KIF1B: variants seen among roughly 807,000 people sequenced by gnomAD.
KIF1B encodes the protein kinesin-like protein KIF1B.
KIF1B carries 76 observed loss-of-function variants against 241.9 expected under a neutral mutation model. That is an observed-to-expected ratio of 0.31 (90% CI 0.26 to 0.38). The LOEUF (loss-of-function observed/expected upper bound fraction) is 0.38, where lower values mean the gene tolerates loss of function less well. Among genes scored for constraint, KIF1B ranks in the 10% least tolerant of loss-of-function variants. KIF1B has a pLI of 1.00. For missense variants in KIF1B, 1,622 were observed against 2,271.4 expected (o/e 0.71, Z 5.81); for synonymous variants, 750 against 796.7 (o/e 0.94, Z 0.99).
intron 22 of KIF1B, chr1:10,307,546 G>T: frequency 1.5e-6 from 1 of 683,226 alleles, no homozygotes; most frequent in Non-Finnish European, 1.8e-6. Context: ...CTAACCTCAG[G>T]TGATCCACCT....
At chr1:10,316,902 CTTTTTTTTGTTT>C (rs1389459756) in intron 22 of KIF1B, among the ~76,000 whole-genome samples, 1 of 150,994 alleles carries the variant, frequency 6.6e-6, no homozygotes, top group Non-Finnish European at 1.5e-5. Flanking sequence ...TATTAGCCAC[CTTTTTTTTGTTT>C]TTTTGTTTTT....
At chr1:10,250,144 A>C (rs1166857601) in intron 2 of KIF1B, among the ~76,000 whole-genome samples, 2 of 152,132 alleles carry the variant, frequency 1.3e-5, no homozygotes, top group African/African-American at 4.8e-5. Context: ...TTTAAAGATC[A>C]AATGGAATAT....
At chr1:10,345,220 A>G (rs1210641154) in intron 34 of KIF1B, among the ~76,000 whole-genome samples, 1 of 152,242 alleles carries the variant, frequency 6.6e-6, no homozygotes, top group African/African-American at 2.4e-5. Context: ...GATCATTTAC[A>G]GAATCCTGTA....
intron 38 of KIF1B, among the ~76,000 whole-genome samples, chr1:10,354,925 T>C (rs1350571287): frequency 6.6e-6 from 1 of 152,194 alleles, no homozygotes; most frequent in African/African-American, 2.4e-5. Flanking sequence ...GCAATTTGGG[T>C]ATATTATGTG....
chr1:10,333,902 C>T (rs763284036), intron 27 of KIF1B, among the ~76,000 whole-genome samples: 2 of 151,918 alleles, frequency 1.3e-5, no homozygotes, highest in African/African-American at 2.4e-5. Flanking sequence ...CCTGTAATCC[C>T]AGCACTTTGG....
At chr1:10,273,172 G>A in intron 10 of KIF1B, 141 bp downstream of exon 10, 1 of 592,384 alleles carries the variant, frequency 1.7e-6, no homozygotes, top group Non-Finnish European at 3.0e-6. Flanking sequence ...ATTTAGAGTG[G>A]CTGTAAATTT....
intron 37 of KIF1B, among the ~76,000 whole-genome samples, chr1:10,350,112 A>C (rs1223377164): frequency 6.6e-6 from 1 of 151,752 alleles, no homozygotes; most frequent in Non-Finnish European, 1.5e-5. Context: ...AACATGGTGA[A>C]ACCCCGTCTC....
chr1:10,256,706 T>TA (rs1557668843), intron 3 of KIF1B, among the ~76,000 whole-genome samples: 16 of 145,224 alleles, frequency 1.1e-4, no homozygotes, highest in Non-Finnish European at 1.4e-4. Context: ...TAATAATAAT[T>TA]ATTATTATTA....
chr1:10,333,429 C>T (rs1402710133), intron 27 of KIF1B, among the ~76,000 whole-genome samples: 1 of 152,084 alleles, frequency 6.6e-6, no homozygotes, highest in Admixed American at 6.5e-5. Context: ...CGGTGGCTCA[C>T]GCCTGTAATC....
chr1:10,269,376 G>A (rs116655866), intron 7 of KIF1B, among the ~76,000 whole-genome samples: 3,977 of 151,882 alleles, frequency 0.026, 198 homozygotes, highest in African/African-American at 0.089. Context: ...TTGGCTGTGC[G>A]TGGTGGCATG....
intron 15 of KIF1B, among the ~76,000 whole-genome samples, chr1:10,289,218 C>T (rs1382059218): frequency 1.3e-5 from 2 of 152,120 alleles, no homozygotes; most frequent in African/African-American, 4.8e-5. Context: ...CTTCATTTCT[C>T]TGTCTGGGCC....
At chr1:10,366,197 C>T (rs1018917056) in intron 43 of KIF1B, among the ~76,000 whole-genome samples, 1 of 152,038 alleles carries the variant, frequency 6.6e-6, no homozygotes, top group Non-Finnish European at 1.5e-5. Context: ...CTCCACTGTG[C>T]TCCAGCCTGA....
chr1:10,228,872 A>G (rs1302703803), intron 1 of KIF1B, among the ~76,000 whole-genome samples: 3 of 152,210 alleles, frequency 2.0e-5, no homozygotes, highest in Non-Finnish European at 4.4e-5. Flanking sequence ...AATGTTGGTA[A>G]TAATACAAGG....
At chr1:10,359,862 C>T (rs759303277) in intron 38 of KIF1B, among the ~76,000 whole-genome samples, 16 of 151,446 alleles carry the variant, frequency 1.1e-4, no homozygotes, top group Non-Finnish European at 2.2e-4. Flanking sequence ...GGTGAAACCC[C>T]TCCTCTACTA....
Position 10,334,556 on chromosome 1 carries a change from G to A in KIF1B, c.2961G>A (p.Val987=). ...ACCTGAGCAATCTGCTGTATCCCGT[G>A]CCCCTGATCCACAGGGTGGCCATCG... is the stretch of plus-strand genomic sequence containing the variant. ...FVYLSNLLYP[V]PLIHRVAIVS... The change falls in exon 28 of 49, where the codon GTG becomes GTA. Residue 987 remains valine, a synonymous_variant. Coordinates refer to ENST00000676179, the MANE Select transcript of KIF1B (RefSeq NM_001365951.3). The A allele has an allele frequency of 6.2e-7, 1 of 1,614,048 alleles. No individual in the cohort carries two copies. Among genetic ancestry groups the A allele is most frequent in the South Asian group, 1.1e-5 (1 of 91,080 alleles).
chr1:10,283,625 A>T (rs1442475747), intron 15 of KIF1B, among the ~76,000 whole-genome samples: 1 of 152,234 alleles, frequency 6.6e-6, no homozygotes, highest in African/African-American at 2.4e-5. Context: ...CACCCATCAG[A>T]TGACTGTGAC....
At position 10,378,247 on chromosome 1, in the gene KIF1B, C is replaced by T. The variant is rs921610095; in HGVS notation, c.*1660C>T. Reference sequence around the variant, plus strand: ...GGAGCCCGGGCCCCAGGCTTTGTTGCGTGTTCCCTGCTCCTCTCCATCTGG... The same window carrying T: ...GGAGCCCGGGCCCCAGGCTTTGTTGTGTGTTCCCTGCTCCTCTCCATCTGG... On this transcript the variant is annotated 3_prime_UTR_variant, in exon 49 of 49. Transcript: ENST00000676179. 5.7e-6 allele frequency: 4 copies of T among 707,538 alleles called. No individual in the cohort carries two copies. Among genetic ancestry groups the T allele is most frequent in the Admixed American group, 2.1e-5 (1 of 48,402 alleles). 43.8% of individuals were successfully genotyped at this position (707,538 alleles called of 1,614,324 possible).
intron 22 of KIF1B, chr1:10,304,651 A>C (rs779996507): frequency 4.3e-6 from 7 of 1,613,700 alleles, no homozygotes; most frequent in Non-Finnish European, 5.9e-6. Flanking sequence ...AGTATAAATC[A>C]GTTACTGGAC....
intron 1 of KIF1B, among the ~76,000 whole-genome samples, chr1:10,214,670 C>G (rs576719817): frequency 6.6e-6 from 1 of 151,226 alleles, no homozygotes; most frequent in South Asian, 2.1e-4. Context: ...GCAACCTCCA[C>G]CTCCTGGGTT....
Sources: allele counts gnomAD v4.1 joint callset (sites outside exome capture counted in the v4.1 genomes callset), GRCh38; gene constraint gnomAD v4.1.1; transcripts MANE v1.5; gene names NCBI Gene and HGNC (gene_info 2026-07-23, HGNC 2026-07-21).